MRPS35: variants seen among roughly 807,000 people sequenced by gnomAD.
MRPS35 encodes the protein mitochondrial ribosomal protein S35, also known as small ribosomal subunit protein mS35.
A neutral mutation model predicts 32.7 loss-of-function variants in MRPS35; 29 were observed. The ratio of observed to expected loss-of-function variants is 0.89; its 90% confidence interval spans 0.66 to 1.21. The LOEUF (loss-of-function observed/expected upper bound fraction) is 1.21. Ranked by LOEUF, MRPS35 falls within the 50% of genes most tolerant of loss-of-function variation. MRPS35 has a pLI of 0.00. For missense variants in MRPS35, 373 were observed against 383.8 expected (o/e 0.97, Z 0.23); for synonymous variants, 148 against 139.3 (o/e 1.06, Z -0.44).
At chr12:27,747,752 A>T (rs567519508) in intron 7 of MRPS35, among the ~76,000 whole-genome samples, 1 of 152,212 alleles carries the variant, frequency 6.6e-6, no homozygotes, top group Admixed American at 6.5e-5. Context: ...CTTCTGTTAC[A>T]ACAGAATACA....
intron 4 of MRPS35, among the ~76,000 whole-genome samples, chr12:27,722,810 G>T (rs1044660425): frequency 6.6e-6 from 1 of 152,170 alleles, no homozygotes; most frequent in African/African-American, 2.4e-5. Flanking sequence ...TTGTTAACAT[G>T]TTTAGTCCCA....
At chr12:27,747,899 G>A (rs926217581) in intron 7 of MRPS35, among the ~76,000 whole-genome samples, 1 of 152,120 alleles carries the variant, frequency 6.6e-6, no homozygotes, top group Non-Finnish European at 1.5e-5. Flanking sequence ...AGAACATGTT[G>A]TTCTAACACT....
chr12:27,724,164 G>GTAGTAGTACGAGTAGTAGT lies in MRPS35; in HGVS notation c.500_501insTAGTAGTACGAGTAGTAGT (p.Arg167SerfsTer24), dbSNP rs1424409363. Reference sequence around the variant, plus strand: ...TCAGGACCATCTGTTCGGAACCCCAGAGCACGAGTAGTAGTCTTAAGAGTA... The same window carrying GTAGTAGTACGAGTAGTAGT: ...TCAGGACCATCTGTTCGGAACCCCAGTAGTAGTACGAGTAGTAGTAGCACGAGTAGTAGTCTTAAGAGTA... On this transcript the variant is annotated frameshift_variant, in exon 5 of 8. Transcript: ENST00000081029. LOFTEE classifies it high-confidence loss of function. 36 of 1,593,976 alleles carry GTAGTAGTACGAGTAGTAGT rather than the reference G, an allele frequency of 2.3e-5. No individual in the cohort carries two copies. The highest frequency in any genetic ancestry group is 3.1e-5 in the Non-Finnish European group (36 of 1,173,290).
chr12:27,715,143 A>C (rs1189675780), intron 2 of MRPS35, among the ~76,000 whole-genome samples: 1 of 152,098 alleles, frequency 6.6e-6, no homozygotes, highest in Non-Finnish European at 1.5e-5. Flanking sequence ...TTTATTTATT[A>C]TTATTTATTT....
At chr12:27,744,518 T>C (rs2061975494) in intron 7 of MRPS35, among the ~76,000 whole-genome samples, 1 of 152,244 alleles carries the variant, frequency 6.6e-6, no homozygotes. Flanking sequence ...TACTTGCTTC[T>C]GTGAGTTCAG....
chr12:27,754,431 A>G (rs1435598505), intron 7 of MRPS35, among the ~76,000 whole-genome samples: 1 of 152,062 alleles, frequency 6.6e-6, no homozygotes, highest in Non-Finnish European at 1.5e-5. Flanking sequence ...TTTAATAATG[A>G]TCTCCTTGGT....
At chr12:27,744,238 T>A (rs759371357) in intron 7 of MRPS35, among the ~76,000 whole-genome samples, 20 of 152,178 alleles carry the variant, frequency 1.3e-4, no homozygotes, top group Non-Finnish European at 2.8e-4. Flanking sequence ...GGATCTGACC[T>A]ATTGTAGTTT....
At chr12:27,736,195 G>A (rs2061942547) in intron 6 of MRPS35, among the ~76,000 whole-genome samples, 1 of 152,176 alleles carries the variant, frequency 6.6e-6, no homozygotes, top group Admixed American at 6.5e-5. Context: ...GGGCCGATCT[G>A]CTGTCTTCCT....
chr12:27,725,887 T>C (rs2061897964), intron 5 of MRPS35, among the ~76,000 whole-genome samples: 1 of 147,220 alleles, frequency 6.8e-6, no homozygotes, highest in Non-Finnish European at 1.5e-5. Context: ...CTCACTGCAG[T>C]CTCTTCCATC....
chr12:27,718,288 G>A (rs539208999), intron 3 of MRPS35, among the ~76,000 whole-genome samples: 4 of 152,286 alleles, frequency 2.6e-5, no homozygotes, highest in South Asian at 4.1e-4. Context: ...TTAGCCAAGT[G>A]TAGTGGCGCA....
chr12:27,748,028 G>A (rs1055406162), intron 7 of MRPS35, among the ~76,000 whole-genome samples: 1 of 152,188 alleles, frequency 6.6e-6, no homozygotes, highest in African/African-American at 2.4e-5. Context: ...AATTAAATGA[G>A]TTAATACCTG....
chr12:27,742,755 C>G (rs986059090), intron 7 of MRPS35, among the ~76,000 whole-genome samples: 2 of 152,196 alleles, frequency 1.3e-5, no homozygotes, highest in African/African-American at 4.8e-5. Flanking sequence ...TGAGCTGATA[C>G]AGTATTTTAC....
chr12:27,718,681 A>G (rs1391263674), intron 3 of MRPS35, among the ~76,000 whole-genome samples: 3 of 152,234 alleles, frequency 2.0e-5, no homozygotes, highest in Non-Finnish European at 4.4e-5. Flanking sequence ...TCATTAAACT[A>G]TCCAGTTAAG....
intron 7 of MRPS35, among the ~76,000 whole-genome samples, chr12:27,744,976 G>A (rs1039331675): frequency 3.3e-5 from 5 of 152,082 alleles, no homozygotes; most frequent in Admixed American, 1.3e-4. Flanking sequence ...CACACAGTGA[G>A]GCGGGGTCTC....
At chr12:27,711,135 C>T (rs2061819342) in intron 1 of MRPS35, among the ~76,000 whole-genome samples, 180 bp downstream of exon 1, 1 of 152,214 alleles carries the variant, frequency 6.6e-6, no homozygotes, top group African/African-American at 2.4e-5. Context: ...CCCGCGTTGC[C>T]CGGCTTCTAG....
chr12:27,742,298 G>T (rs1463769428), intron 7 of MRPS35, among the ~76,000 whole-genome samples: 1 of 152,128 alleles, frequency 6.6e-6, no homozygotes, highest in African/African-American at 2.4e-5. Context: ...AGCAATGTTT[G>T]CTATGTTTGT....
rs2062024677 is a variant in MRPS35 at position 27,755,936 on chromosome 12, G to T, written c.*486G>T. The T allele has an allele frequency of 6.6e-6, 1 of 152,386 alleles. No individual in the cohort carries two copies. The highest frequency in any genetic ancestry group is 2.4e-5 in the African/African-American group (1 of 41,454). The allele number at this position is 152,386 out of a possible 1,614,324, so 9.4% of individuals were successfully genotyped here. On this transcript the variant is annotated 3_prime_UTR_variant, in exon 8 of 8. Coordinates refer to ENST00000081029, the MANE Select transcript of MRPS35 (RefSeq NM_021821.4). ...TCTGGTTAGAAACAGGTCCTCAGGA[G>T]TATTCTCTAACCTGATATTTTCTAA...
chr12:27,738,469 T>G (rs2061951062), intron 7 of MRPS35, among the ~76,000 whole-genome samples: 1 of 152,162 alleles, frequency 6.6e-6, no homozygotes, highest in Non-Finnish European at 1.5e-5. Context: ...GAGTCTGAAT[T>G]TAGAGAGTTT....
intron 7 of MRPS35, among the ~76,000 whole-genome samples, chr12:27,743,088 T>G (rs1005916222): frequency 2.0e-5 from 3 of 151,852 alleles, no homozygotes; most frequent in African/African-American, 2.4e-5. Flanking sequence ...CTCGAACTCC[T>G]GGGCTCAGGT....
Sources: gnomAD v4.1 joint callset for allele counts (sites outside exome capture counted in the v4.1 genomes callset) on GRCh38, gnomAD v4.1.1 for gene constraint, MANE v1.5 for transcripts, NCBI Gene and HGNC (gene_info 2026-07-23, HGNC 2026-07-21) for gene names.